The following FILIP1L variants were observed in gnomAD, a reference collection of about 807,000 sequenced individuals.
The protein encoded by FILIP1L is filamin A interacting protein 1 like, also known as filamin A-interacting protein 1-like.
A neutral mutation model predicts 96.6 loss-of-function variants in FILIP1L; 55 were observed. The observed-to-expected ratio is 0.57, with a 90% CI of 0.46 to 0.71. The LOEUF (loss-of-function observed/expected upper bound fraction) is 0.71, where lower values mean the gene tolerates loss of function less well. Among genes scored for constraint, FILIP1L ranks in the 30% least tolerant of loss-of-function variants. FILIP1L has a pLI of 0.00. For synonymous variants in FILIP1L, 467 were observed against 473.9 expected (o/e 0.99, Z 0.19); for missense variants, 1,304 against 1,321.2 (o/e 0.99, Z 0.20).
chr3:99,876,396 G>GGCCGGGGC (rs759054608), intron 4 of FILIP1L, among the ~76,000 whole-genome samples: 14 of 152,184 alleles, frequency 9.2e-5, no homozygotes, highest in Non-Finnish European at 1.8e-4. Context: ...TGGGCCGGTG[G>GGCCGGGGC]GCCGGGGCGC....
chr3:100,035,748 G>A (rs1424474013), intron 1 of FILIP1L, among the ~76,000 whole-genome samples: 1 of 152,144 alleles, frequency 6.6e-6, no homozygotes, highest in East Asian at 1.9e-4. Flanking sequence ...AAATTCAAAT[G>A]TAGAGAGAAA....
At chr3:99,923,693 C>T (rs1707195375) in intron 4 of FILIP1L, among the ~76,000 whole-genome samples, 1 of 152,216 alleles carries the variant, frequency 6.6e-6, no homozygotes, top group African/African-American at 2.4e-5. Flanking sequence ...TCCATGTTCC[C>T]TTAATCGTTC....
At chr3:99,945,359 C>A (rs1707978020) in intron 1 of FILIP1L, among the ~76,000 whole-genome samples, 1 of 152,146 alleles carries the variant, frequency 6.6e-6, no homozygotes, top group Admixed American at 6.5e-5. Context: ...GGACCTCAGA[C>A]TCTCTGAGGT....
At position 99,975,869 on chromosome 3, in the gene FILIP1L, G is replaced by A. The variant is rs1007618956; in HGVS notation, c.-10-44839C>T. Among the ~76,000 whole-genome samples, 4 of 152,270 alleles carry A rather than the reference G, an allele frequency of 2.6e-5. 1 individual carries two copies. Among genetic ancestry groups the A allele is most frequent in the Admixed American group, 2.6e-4 (4 of 15,292 alleles). ...TTGCATATTTTCTTTGGGCTAGCAA[G>A]CAAACAGTAATAAAATGTCTCTTTT... On this transcript the variant is annotated intron_variant, in intron 1 of 5. Transcript: ENST00000477258.
intron 1 of FILIP1L, among the ~76,000 whole-genome samples, chr3:100,016,188 T>TTTTG (rs760003779): frequency 1.0e-3 from 158 of 152,190 alleles, no homozygotes; most frequent in Non-Finnish European, 9.1e-4. Flanking sequence ...TTGGGTCAGC[T>TTTTG]TTTGTTTGTT....
intron 3 of FILIP1L, chr3:99,925,943 A>C (rs1419384579): frequency 2.1e-6 from 2 of 935,632 alleles, no homozygotes; most frequent in African/African-American, 3.6e-5. Flanking sequence ...GCAAGAGCTA[A>C]CTCGGGATCT....
chr3:99,886,882 A>G (rs1705917004), intron 4 of FILIP1L, among the ~76,000 whole-genome samples: 1 of 151,728 alleles, frequency 6.6e-6, no homozygotes, highest in Non-Finnish European at 1.5e-5. Flanking sequence ...AGGCAGGAGA[A>G]TCGCTTGAAC....
intron 4 of FILIP1L, among the ~76,000 whole-genome samples, chr3:99,909,457 C>A (rs1012998400): frequency 5.9e-5 from 9 of 152,036 alleles, no homozygotes; most frequent in African/African-American, 2.2e-4. Flanking sequence ...GTTAGAGCCA[C>A]CCCTTGTACA....
At chr3:100,060,533 C>T (rs1254867559) in intron 1 of FILIP1L, among the ~76,000 whole-genome samples, 1 of 152,066 alleles carries the variant, frequency 6.6e-6, no homozygotes, top group Non-Finnish European at 1.5e-5. Flanking sequence ...TAGCTACCAC[C>T]TCTCACTGAG....
intron 1 of FILIP1L, among the ~76,000 whole-genome samples, chr3:99,969,554 G>A (rs1027673517): frequency 1.3e-5 from 2 of 152,190 alleles, no homozygotes; most frequent in African/African-American, 4.8e-5. Flanking sequence ...GAAGTAATGA[G>A]CCGTGCTATC....
intron 4 of FILIP1L, among the ~76,000 whole-genome samples, chr3:99,913,072 G>A (rs1288473906): frequency 2.6e-5 from 4 of 152,080 alleles, no homozygotes; most frequent in East Asian, 1.9e-4. Flanking sequence ...TTTCCACCAC[G>A]TGAGGAAACA....
At chr3:99,913,447 A>C (rs1269671521) in intron 4 of FILIP1L, among the ~76,000 whole-genome samples, 1 of 152,240 alleles carries the variant, frequency 6.6e-6, no homozygotes, top group Non-Finnish European at 1.5e-5. Context: ...TCTAAAGGAA[A>C]GTAGAAAGTA....
At chr3:99,865,115 T>C (rs1461453344) in intron 4 of FILIP1L, among the ~76,000 whole-genome samples, 3 of 152,334 alleles carry the variant, frequency 2.0e-5, no homozygotes, top group African/African-American at 7.2e-5. Flanking sequence ...CCCTCCTCTC[T>C]ATAGTCTAGG....
chr3:100,108,261 C>T (rs910978555), intron 1 of FILIP1L, among the ~76,000 whole-genome samples: 1 of 152,126 alleles, frequency 6.6e-6, no homozygotes, highest in Non-Finnish European at 1.5e-5. Context: ...GAACTGACCA[C>T]GTTGTCAAGA....
chr3:99,901,875 A>G (rs1345382785), intron 4 of FILIP1L, among the ~76,000 whole-genome samples: 2 of 152,168 alleles, frequency 1.3e-5, no homozygotes, highest in Non-Finnish European at 2.9e-5. Context: ...TGTGAGTGGT[A>G]CCACCTGCCT....
chr3:99,903,238 A>G (rs974179077), intron 4 of FILIP1L, among the ~76,000 whole-genome samples: 10 of 151,530 alleles, frequency 6.6e-5, no homozygotes, highest in African/African-American at 2.4e-4. Context: ...ACATGTGTGT[A>G]TATGTATACA....
intron 1 of FILIP1L, among the ~76,000 whole-genome samples, chr3:99,934,081 C>T (rs1030666088): frequency 6.6e-6 from 1 of 152,206 alleles, no homozygotes; most frequent in Non-Finnish European, 1.5e-5. Flanking sequence ...GTATGTGACT[C>T]TCAACTTACA....
intron 4 of FILIP1L, among the ~76,000 whole-genome samples, chr3:99,872,154 T>G (rs1401617191): frequency 6.6e-6 from 1 of 152,110 alleles, no homozygotes; most frequent in East Asian, 1.9e-4. Flanking sequence ...TAGCTGTGTC[T>G]CTGGGGCAAG....
rs575757131 is a variant in FILIP1L at position 99,890,966 on chromosome 3, G to A, written c.605+33264C>T. On this transcript the variant is annotated intron_variant, in intron 4 of 5. Transcript: ENST00000477258. ...TCCTCTAGAGAGGATTTCCATTTGT[G>A]CCAAATGCCAAAGGGGTATTTTCAG... 1.6e-4 allele frequency among the ~76,000 whole-genome samples: 24 copies of A among 152,146 alleles called. 2 individuals carry two copies. The South Asian group carries it at 4.1e-3, about 26-fold the overall frequency.
Sources: gnomAD v4.1 joint callset for allele counts (sites outside exome capture counted in the v4.1 genomes callset) on GRCh38, gnomAD v4.1.1 for gene constraint, MANE v1.5 for transcripts, NCBI Gene and HGNC (gene_info 2026-07-23, HGNC 2026-07-21) for gene names.